ZHX3: variants seen among roughly 807,000 people sequenced by gnomAD.
ZHX3 encodes the protein zinc fingers and homeoboxes protein 3.
Under a neutral mutation model 64.5 loss-of-function variants are expected in ZHX3, and 20 were observed. That is an observed-to-expected ratio of 0.31 (90% CI 0.22 to 0.45). ZHX3 has a LOEUF of 0.45. Among genes scored for constraint, ZHX3 ranks in the 20% least tolerant of loss-of-function variants. ZHX3 has a pLI of 1.00. For missense variants in ZHX3, 1,041 were observed against 1,195.8 expected, an observed-to-expected ratio of 0.87 and a Z score of 1.91; for synonymous variants, 423 against 461.6, an observed-to-expected ratio of 0.92 and a Z score of 1.07.
intron 3 of ZHX3, among the ~76,000 whole-genome samples, chr20:41,193,707 GTTTTTGT>G (rs2037242547): frequency 1.6e-5 from 2 of 124,520 alleles, no homozygotes; most frequent in African/African-American, 3.7e-5. Context: ...TGTTGTTGTT[GTTTTTGT>G]TTTTTTTTTT....
chr20:41,195,455 G>A lies in ZHX3; in HGVS notation c.2860+6602C>T, dbSNP rs1367719230. On this transcript the variant is annotated intron_variant, in intron 3 of 3. Transcript: ENST00000683867. This position sits in a 1 kb window ranked among gnomAD's most constrained non-coding sequence, Gnocchi z 4.2. ...TTTGAGAAGGAGTTTCGCTCTTGTT[G>A]CCCAGGCTGGAGTGCAATGGTGCGG... Among the ~76,000 whole-genome samples the A allele has an allele frequency of 6.6e-6, 1 of 151,958 alleles. No individual in the cohort carries two copies. Among genetic ancestry groups the A allele is most frequent in the African/African-American group, 2.4e-5 (1 of 41,350 alleles).
Position 41,201,062 on chromosome 20 carries a change from G to C in ZHX3, c.2860+995C>G, listed in dbSNP as rs749139235. 1.3e-5 allele frequency among the ~76,000 whole-genome samples: 2 copies of C among 152,190 alleles called. No individual in the cohort carries two copies. The highest frequency in any genetic ancestry group is 2.9e-5 in the Non-Finnish European group (2 of 68,050). ...ATCCAGGAAATTCTGTGGGATTTCT[G>C]AGGGATAGGCCACTATGGTTGGCCC... On this transcript the variant is annotated intron_variant, in intron 3 of 3. Coordinates refer to ENST00000683867, the MANE Select transcript of ZHX3 (RefSeq NM_001384317.1). The surrounding 1 kb of genome is among the most constrained non-coding windows in gnomAD (Gnocchi z 5.0).
At chr20:41,187,588 G>A (rs9679856) in intron 3 of ZHX3, among the ~76,000 whole-genome samples, 255 of 152,218 alleles carry the variant, frequency 1.7e-3, no homozygotes, top group African/African-American at 5.8e-3. Context: ...TGACCATTAC[G>A]TGGGGATTTC....
At chr20:41,240,818 T>C (rs1162232376) in intron 2 of ZHX3, among the ~76,000 whole-genome samples, 10 of 152,238 alleles carry the variant, frequency 6.6e-5, no homozygotes, top group Non-Finnish European at 1.2e-4. Flanking sequence ...TCCAGTTCTA[T>C]CCATGTTGTT....
In ZHX3 at chr20:41,180,226, C is replaced by G. The variant is rs797005186; in HGVS notation, c.*4965G>C. 6.5e-6 allele frequency: 1 copy of G among 152,730 alleles called. No individual in the cohort carries two copies. Among genetic ancestry groups the G allele is most frequent in the African/African-American group, 2.4e-5 (1 of 41,460 alleles). 9.5% of individuals were successfully genotyped at this position (152,730 alleles called of 1,614,324 possible). A position where few individuals can be genotyped will look rare whatever the true frequency, so the allele number is the denominator to read the frequency against. ...CTTCGCTCAGCTGCCAGAGCAGCCA[C>G]GAAAGCCAAATTCTCAGGGCTGTGG... On this transcript the variant is annotated 3_prime_UTR_variant, in exon 4 of 4. Coordinates refer to ENST00000683867, the MANE Select transcript of ZHX3 (RefSeq NM_001384317.1).
At chr20:41,301,398 G>A (rs922820499) in intron 1 of ZHX3, among the ~76,000 whole-genome samples, 1 of 152,088 alleles carries the variant, frequency 6.6e-6, no homozygotes, top group Non-Finnish European at 1.5e-5. Flanking sequence ...TTAATGCCTT[G>A]CTATGCCCTG....
chr20:41,201,348 A>G lies in ZHX3; in HGVS notation c.2860+709T>C, dbSNP rs1410142621. 3 of 1,304,630 alleles carry G rather than the reference A, an allele frequency of 2.3e-6. No individual in the cohort carries two copies. Among genetic ancestry groups the G allele is most frequent in the African/African-American group, 3.0e-5 (2 of 65,866 alleles). The allele number at this position is 1,304,630 out of a possible 1,614,324, so 80.8% of individuals were successfully genotyped here. On this transcript the variant is annotated intron_variant, in intron 3 of 3. Transcript: ENST00000683867. This position sits in a 1 kb window ranked among gnomAD's most constrained non-coding sequence, Gnocchi z 5.0. ...AGAACACAAATGTCAAAGGGTAAGG[A>G]GGGAAGGGAGAGGCTGGGAACTCAG...
At chr20:41,268,968 A>C (rs1214277332) in intron 2 of ZHX3, 22 bp downstream of exon 2, 1 of 152,238 alleles carries the variant, frequency 6.6e-6, no homozygotes, top group Non-Finnish European at 1.5e-5. Context: ...CTATTTACCC[A>C]AGAAACATAC....
intron 2 of ZHX3, 96 bp from the exon 3 acceptor site, chr20:41,205,162 T>C (rs948992067): frequency 1.0e-5 from 5 of 485,738 alleles, no homozygotes; most frequent in Non-Finnish European, 1.3e-5. Flanking sequence ...CCTTCTACCA[T>C]CTAGGTCTTT....
intron 2 of ZHX3, among the ~76,000 whole-genome samples, chr20:41,266,835 G>A (rs1404483244): frequency 6.5e-5 from 9 of 139,434 alleles, no homozygotes; most frequent in Admixed American, 2.3e-4. Flanking sequence ...GTGAGCCACC[G>A]TGCCCGGCCT....
chr20:41,255,117 T>C (rs1600520750), intron 2 of ZHX3, among the ~76,000 whole-genome samples: 1 of 152,108 alleles, frequency 6.6e-6, no homozygotes, highest in Admixed American at 6.6e-5. Context: ...GGAAGATTCA[T>C]GCCTGGAAAG....
rs140891725 is a variant in ZHX3, at chr20:41,226,591, T to G, written c.-150-21525A>C. Among the ~76,000 whole-genome samples the G allele has an allele frequency of 2.5e-4, 38 of 152,316 alleles. No homozygotes were observed. Among genetic ancestry groups the G allele is most frequent in the African/African-American group, 8.4e-4 (35 of 41,578 alleles). On this transcript the variant is annotated intron_variant, in intron 2 of 3. Coordinates refer to ENST00000683867, the MANE Select transcript of ZHX3 (RefSeq NM_001384317.1). The surrounding 1 kb of genome is among the most constrained non-coding windows in gnomAD (Gnocchi z 4.4). ...TAAGCTCTCCACAATCCTATGATGC[T>G]GGCAGAGCAGCAGAAATCACAGGAG...
intron 2 of ZHX3, among the ~76,000 whole-genome samples, chr20:41,242,658 G>A (rs116673220): frequency 1.6e-3 from 242 of 152,196 alleles, no homozygotes; most frequent in African/African-American, 5.3e-3. Flanking sequence ...AACCAATGAC[G>A]TTTTGACAGG....
At chr20:41,270,826 A>G (rs1318518667) in intron 1 of ZHX3, among the ~76,000 whole-genome samples, 1 of 152,174 alleles carries the variant, frequency 6.6e-6, no homozygotes, top group Non-Finnish European at 1.5e-5. Context: ...CTCAATGTCT[A>G]CTGAATTAGC....
At chr20:41,241,650 C>T (rs1374818344) in intron 2 of ZHX3, among the ~76,000 whole-genome samples, 1 of 152,150 alleles carries the variant, frequency 6.6e-6, no homozygotes, top group Non-Finnish European at 1.5e-5. Context: ...GTTACTATAA[C>T]TCTGTGTATA....
chr20:41,238,207 C>T (rs1227511614), intron 2 of ZHX3, among the ~76,000 whole-genome samples: 2 of 152,176 alleles, frequency 1.3e-5, no homozygotes, highest in Admixed American at 6.5e-5. Context: ...ACTCAATACC[C>T]ATTATTTGTT....
At position 41,219,196 on chromosome 20, in the gene ZHX3, T is replaced by G. The variant is rs139797104; in HGVS notation, c.-150-14130A>C. 4.4e-3 allele frequency among the ~76,000 whole-genome samples: 668 copies of G among 152,284 alleles called. 8 individuals carry two copies. The highest frequency in any genetic ancestry group is 0.023 in the East Asian group (117 of 5,178). On this transcript the variant is annotated intron_variant, in intron 2 of 3. Transcript: ENST00000683867. The surrounding 1 kb of genome is among the most constrained non-coding windows in gnomAD (Gnocchi z 5.0). Reference sequence around the variant, plus strand: ...CACACGCCTCCGCCTCCCAAAGTGCTGGGATTACAAGCGTCAGCCACCGCA... The same window carrying G: ...CACACGCCTCCGCCTCCCAAAGTGCGGGGATTACAAGCGTCAGCCACCGCA...
chr20:41,243,402 T>C (rs1252764847), intron 2 of ZHX3, among the ~76,000 whole-genome samples: 1 of 152,220 alleles, frequency 6.6e-6, no homozygotes, highest in African/African-American at 2.4e-5. Flanking sequence ...ATCTGGAACC[T>C]TGGCTTCATT....
intron 2 of ZHX3, among the ~76,000 whole-genome samples, chr20:41,230,776 C>T (rs1024286961): frequency 2.0e-5 from 3 of 151,918 alleles, no homozygotes; most frequent in Non-Finnish European, 4.4e-5. Flanking sequence ...TCCCATATAC[C>T]CACTGCCCCA....
Sources: gnomAD v4.1 joint callset for allele counts (sites outside exome capture counted in the v4.1 genomes callset) on GRCh38, gnomAD v4.1.1 for gene constraint, Gnocchi (gnomAD v3.1) non-coding constraint, MANE v1.5 for transcripts, NCBI Gene and HGNC (gene_info 2026-07-23, HGNC 2026-07-21) for gene names.